The following PAIP1 variants were observed in gnomAD, a reference collection of about 807,000 sequenced individuals.
PAIP1 encodes polyadenylate-binding protein-interacting protein 1.
A neutral mutation model predicts 61.3 loss-of-function variants in PAIP1; 16 were observed. That is an observed-to-expected ratio of 0.26 (90% CI 0.18 to 0.40). The LOEUF (loss-of-function observed/expected upper bound fraction) is 0.40. Ranked by LOEUF, PAIP1 falls within the 10% of genes least tolerant of loss-of-function variation. The pLI is 1.00. For missense variants in PAIP1, 416 were observed against 600.9 expected (o/e 0.69, Z 3.22); for synonymous variants, 187 against 226.2 (o/e 0.83, Z 1.56).
intron 2 of PAIP1, among the ~76,000 whole-genome samples, chr5:43,550,155 A>C (rs955861782): frequency 3.3e-5 from 5 of 152,186 alleles, no homozygotes; most frequent in African/African-American, 1.2e-4. Flanking sequence ...TGTTCATTGA[A>C]TAGAAGGATA....
Position 43,556,937 on chromosome 5 carries a change from C to T in PAIP1, c.-91G>A, listed in dbSNP as rs1296833545. On this transcript the variant is annotated 5_prime_UTR_variant, in exon 1 of 11. Coordinates refer to ENST00000306846, the MANE Select transcript of PAIP1 (RefSeq NM_006451.5). ...GAAGGCGCCGCGGGTCGGCTATAGC[C>T]GCCGCGCCTCACTCGGGCCTCATGG... 3.9e-6 allele frequency: 5 copies of T among 1,286,188 alleles called. No homozygotes were observed. Among genetic ancestry groups the T allele is most frequent in the Non-Finnish European group, 4.9e-6 (5 of 1,016,858 alleles). The allele number at this position is 1,286,188 out of a possible 1,614,324, so 79.7% of individuals were successfully genotyped here.
intron 10 of PAIP1, among the ~76,000 whole-genome samples, chr5:43,527,909 T>C (rs1746770358): frequency 6.6e-6 from 1 of 152,222 alleles, no homozygotes; most frequent in African/African-American, 2.4e-5. Context: ...CAGAAAGTGC[T>C]ATTCCTGCTA....
chr5:43,547,230 T>C (rs901201632), intron 3 of PAIP1, among the ~76,000 whole-genome samples: 8 of 152,098 alleles, frequency 5.3e-5, no homozygotes, highest in African/African-American at 1.9e-4. Flanking sequence ...AGACATTTTA[T>C]GGTTTGGCTT....
upstream of PAIP1, chr5:43,557,403 C>T (rs1201409218): frequency 1.3e-5 from 2 of 152,652 alleles, no homozygotes; most frequent in Non-Finnish European, 2.9e-5. Flanking sequence ...CAGTTGACGC[C>T]CGGGAAATAA....
rs1320693835 is a variant in PAIP1 at position 43,544,151 on chromosome 5, A to ATT, written c.622-1036_622-1035insAA. 1.8e-3 allele frequency among the ~76,000 whole-genome samples: 257 copies of ATT among 145,720 alleles called. 2 individuals carry two copies. Among genetic ancestry groups the ATT allele is most frequent in the South Asian group, 7.5e-3 (35 of 4,638 alleles). Reference sequence around the variant, plus strand: ...AAACAAAGCCCCCATCTTTTTAAAAAAAAAAAAAAAAAAAAAAAAAAAGCT... The same window carrying ATT: ...AAACAAAGCCCCCATCTTTTTAAAAATTAAAAAAAAAAAAAAAAAAAAAAGCT... On this transcript the variant is annotated intron_variant, in intron 3 of 10. Coordinates refer to ENST00000306846, the MANE Select transcript of PAIP1 (RefSeq NM_006451.5).
chr5:43,556,366 G>GC, intron 1 of PAIP1: 1 of 1,233,596 alleles, frequency 8.1e-7, no homozygotes, highest in Non-Finnish European at 1.0e-6. Context: ...CGCGCACCCG[G>GC]CCCCTCCCCC....
At chr5:43,538,018 AAAT>A (rs1271886168) in intron 5 of PAIP1, among the ~76,000 whole-genome samples, 3 of 149,174 alleles carry the variant, frequency 2.0e-5, no homozygotes, top group Non-Finnish European at 3.0e-5. Context: ...AAAAAAAAAA[AAAT>A]CAAGCAAATC....
intron 4 of PAIP1, among the ~76,000 whole-genome samples, chr5:43,541,275 C>G (rs1196013562): frequency 1.5e-5 from 2 of 132,152 alleles, no homozygotes; most frequent in African/African-American, 5.8e-5. Flanking sequence ...AAGGTACCCG[C>G]CACCACGCCC....
intron 4 of PAIP1, among the ~76,000 whole-genome samples, chr5:43,542,070 G>A (rs543114061): frequency 2.4e-4 from 36 of 151,694 alleles, no homozygotes; most frequent in Admixed American, 4.6e-4. Context: ...CAGCTACTGG[G>A]GAGGCTGAGG....
At chr5:43,555,258 TAAG>T (rs1026933467) in intron 2 of PAIP1, among the ~76,000 whole-genome samples, 53 of 152,196 alleles carry the variant, frequency 3.5e-4, no homozygotes, top group African/African-American at 1.2e-3. Flanking sequence ...TCAATAAAAC[TAAG>T]AAGATAGGAA....
At position 43,539,052 on chromosome 5, in the gene PAIP1, C is replaced by A. The variant is rs370969493; in HGVS notation, c.735-17G>T. The stretch of plus-strand genomic sequence containing the variant: ...GTCCGACATCTAATTAAAGACATAT[C>A]TTTTATAATCTCACATTGCTTTGCT... On this transcript the variant is annotated splice_polypyrimidine_tract_variant and intron_variant, in intron 4 of 10. Transcript: ENST00000306846. The A allele has an allele frequency of 7.1e-5, 101 of 1,429,178 alleles. No homozygotes were observed. The African/African-American group carries it at 1.2e-3, about 17-fold the overall frequency. The allele number at this position is 1,429,178 out of a possible 1,614,324, so 88.5% of individuals were successfully genotyped here.
intron 4 of PAIP1, among the ~76,000 whole-genome samples, chr5:43,542,127 G>C (rs1415188897): frequency 4.0e-5 from 6 of 150,246 alleles, no homozygotes; most frequent in African/African-American, 1.5e-4. Flanking sequence ...AGTGAGCCAA[G>C]ACTGAGCCAC....
chr5:43,544,307 C>T (rs937781150), intron 3 of PAIP1, among the ~76,000 whole-genome samples: 8 of 152,082 alleles, frequency 5.3e-5, no homozygotes, highest in Admixed American at 5.2e-4. Flanking sequence ...TCACATGGGG[C>T]CAGTATATGT....
chr5:43,539,486 C>A (rs57839929), intron 4 of PAIP1, among the ~76,000 whole-genome samples: 4 of 145,622 alleles, frequency 2.7e-5, no homozygotes, highest in Admixed American at 6.9e-5. Flanking sequence ...CACACACACA[C>A]AACCTCCAAC....
At position 43,529,787 on chromosome 5, in the gene PAIP1, G is replaced by A. The variant is rs149920694; in HGVS notation, c.1345C>T (p.Pro449Ser). 25 of 1,515,130 alleles carry A rather than the reference G, an allele frequency of 1.7e-5. No individual in the cohort carries two copies. Among genetic ancestry groups the A allele is most frequent in the South Asian group, 4.5e-5 (4 of 88,882 alleles). The allele number at this position is 1,515,130 out of a possible 1,614,324, so 93.9% of individuals were successfully genotyped here. A position where few individuals can be genotyped will look rare whatever the true frequency, so the allele number is the denominator to read the frequency against. ...NGTDLSGAGD[P>S]YLDDIDDEMD... ...AGTTAGTAACTGAAGAAAACTTACGGATCACCAGCCCCGGATAAATCTGTT... is the reference window on the plus strand; with the variant it reads ...AGTTAGTAACTGAAGAAAACTTACGAATCACCAGCCCCGGATAAATCTGTT... Residue 449 changes from proline (P) to serine (S), a missense_variant and splice_region_variant, in exon 10 of 11, where the codon CCA (proline) becomes TCA (serine). Coordinates refer to ENST00000306846, the MANE Select transcript of PAIP1 (RefSeq NM_006451.5).
intron 2 of PAIP1, among the ~76,000 whole-genome samples, chr5:43,553,880 A>C (rs955845601): frequency 6.6e-6 from 1 of 152,212 alleles, no homozygotes; most frequent in Non-Finnish European, 1.5e-5. Context: ...ATGCCAGTCC[A>C]CTAAGGCCAG....
chr5:43,536,090 G>T (rs1255856480), intron 6 of PAIP1, among the ~76,000 whole-genome samples: 2 of 151,430 alleles, frequency 1.3e-5, no homozygotes, highest in African/African-American at 4.8e-5. Flanking sequence ...TAAACATGAA[G>T]AAATGCTTAA....
chr5:43,552,226 G>A (rs1235996229), intron 2 of PAIP1, among the ~76,000 whole-genome samples: 1 of 152,214 alleles, frequency 6.6e-6, no homozygotes, highest in African/African-American at 2.4e-5. Flanking sequence ...ATTAAGGCAA[G>A]GGTGTGCAGG....
intron 3 of PAIP1, among the ~76,000 whole-genome samples, 192 bp from the exon 4 acceptor site, chr5:43,543,308 T>C: frequency 2.9e-5 from 1 of 34,326 alleles, no homozygotes; most frequent in East Asian, 1.4e-3. Context: ...CCACAATAAG[T>C]ACAAAAAAAA....
Sources: gnomAD v4.1 joint callset for allele counts (sites outside exome capture counted in the v4.1 genomes callset) on GRCh38, gnomAD v4.1.1 for gene constraint, MANE v1.5 for transcripts, NCBI Gene and HGNC (gene_info 2026-07-23, HGNC 2026-07-21) for gene names.